The following DOCK8 variants were observed in gnomAD, a reference collection of about 807,000 sequenced individuals.
DOCK8 encodes the protein dedicator of cytokinesis 8.
DOCK8 carries 141 observed loss-of-function variants against 245.6 expected under a neutral mutation model. The observed-to-expected ratio is 0.57, with a 90% CI of 0.50 to 0.66. The LOEUF (loss-of-function observed/expected upper bound fraction) is 0.66. Among genes scored for constraint, DOCK8 ranks in the 30% least tolerant of loss-of-function variants. The pLI is 0.00. For synonymous variants in DOCK8, 1,168 were observed against 970.2 expected (o/e 1.20, Z -3.79); for missense variants, 2,965 against 2,603.4 (o/e 1.14, Z -3.02).
chr9:301,192 C>G (rs1447820015), intron 4 of DOCK8, among the ~76,000 whole-genome samples: 3 of 151,928 alleles, frequency 2.0e-5, no homozygotes, highest in Non-Finnish European at 4.4e-5. Flanking sequence ...TCACCATACA[C>G]AAATCAATAA....
At chr9:400,797 C>G (rs1164315349) in intron 26 of DOCK8, among the ~76,000 whole-genome samples, 9 of 93,942 alleles carry the variant, frequency 9.6e-5, no homozygotes, top group South Asian at 3.8e-4. Context: ...ACCATCACCA[C>G]CACCTCCACC....
chr9:293,210 C>A (rs532130850), intron 4 of DOCK8, among the ~76,000 whole-genome samples: 2 of 152,204 alleles, frequency 1.3e-5, no homozygotes, highest in East Asian at 3.9e-4. Flanking sequence ...TCTTTCTATC[C>A]CTCTGCCTCA....
intron 14 of DOCK8, among the ~76,000 whole-genome samples, chr9:358,059 A>T (rs2052530415): frequency 6.6e-6 from 1 of 152,170 alleles, no homozygotes; most frequent in Non-Finnish European, 1.5e-5. Context: ...ACATTTATGA[A>T]CCTTCTCATT....
intron 46 of DOCK8, among the ~76,000 whole-genome samples, chr9:453,836 T>C (rs2057542132): frequency 6.6e-6 from 1 of 152,190 alleles, no homozygotes; most frequent in Non-Finnish European, 1.5e-5. Flanking sequence ...CATATATTTT[T>C]ATTTAAAATT....
Position 336,588 on chromosome 9 carries a change from G to T in DOCK8, c.1292G>T (p.Ser431Ile). 1.2e-6 allele frequency: 2 copies of T among 1,614,204 alleles called. No homozygotes were observed. Among genetic ancestry groups the T allele is most frequent in the Non-Finnish European group, 1.7e-6 (2 of 1,180,022 alleles). Residue 431 changes from serine (S) to isoleucine (I), a missense_variant, in exon 12 of 48, where the codon AGC (serine) becomes ATC (isoleucine). By Grantham distance (142) the Ser-to-Ile change is moderately radical. Transcript: ENST00000432829. ...VTDVDSVVGRSSVGERRTLAQ... is the reference protein window; with the variant it reads ...VTDVDSVVGRISVGERRTLAQ... ...ACAATTGTTTTTCTTAAAGGGAGAA[G>T]CTCAGTGGGTGAACGGAGGACATTG...
intron 28 of DOCK8, among the ~76,000 whole-genome samples, chr9:408,527 C>T (rs2055546512): frequency 6.6e-6 from 1 of 152,156 alleles, no homozygotes; most frequent in African/African-American, 2.4e-5. Flanking sequence ...ACATAAATTT[C>T]CACAGCAACA....
chr9:286,439 T>C, intron 2 of DOCK8, 22 bp from the exon 3 acceptor site: 1 of 1,612,724 alleles, frequency 6.2e-7, no homozygotes, highest in Non-Finnish European at 8.5e-7. Context: ...GAACCTCCTT[T>C]TCCTTTTCCC....
rs939835890 is a variant in DOCK8 at position 254,943 on chromosome 9, A to G, written c.54-16684A>G. On this transcript the variant is annotated intron_variant, in intron 1 of 47. Coordinates refer to ENST00000432829, the MANE Select transcript of DOCK8 (RefSeq NM_203447.4). ...AGGAGGGTGGCGCTCAGAAATCTGC[A>G]TGGTTGATCAGTTCTTTAGCAGATT... Among the ~76,000 whole-genome samples, 14 of 152,316 alleles carry G rather than the reference A, an allele frequency of 9.2e-5. No homozygotes were observed. The South Asian group carries it at 1.5e-3, about 16-fold the overall frequency.
At chr9:218,961 T>A (rs181465507) in intron 1 of DOCK8, among the ~76,000 whole-genome samples, 3 of 152,272 alleles carry the variant, frequency 2.0e-5, no homozygotes, top group Middle Eastern at 6.8e-3. Flanking sequence ...AGAGAAGATA[T>A]AGAAATTGTC....
intron 1 of DOCK8, among the ~76,000 whole-genome samples, chr9:222,441 A>G (rs1027989201): frequency 5.3e-5 from 8 of 152,132 alleles, no homozygotes; most frequent in African/African-American, 1.7e-4. Flanking sequence ...TTGATTGCCA[A>G]ATTGACGCCC....
At chr9:336,070 A>G (rs2051296262) in intron 11 of DOCK8, among the ~76,000 whole-genome samples, 1 of 152,170 alleles carries the variant, frequency 6.6e-6, no homozygotes, top group African/African-American at 2.4e-5. Context: ...CAGATCACCC[A>G]AGGCAGAAAC....
intron 2 of DOCK8, among the ~76,000 whole-genome samples, chr9:277,952 C>T (rs998089456): frequency 1.3e-5 from 2 of 152,152 alleles, no homozygotes; most frequent in Non-Finnish European, 2.9e-5. Flanking sequence ...TGGTTAATTG[C>T]CTGATAAATA....
intron 40 of DOCK8, 143 bp downstream of exon 40, chr9:439,531 C>T (rs927504866): frequency 7.4e-6 from 8 of 1,084,854 alleles, no homozygotes; most frequent in Admixed American, 2.3e-5. Context: ...GGGATGGGCC[C>T]GGGGAGGACT....
At chr9:383,725 A>AAAAC (rs2053828111) in intron 22 of DOCK8, among the ~76,000 whole-genome samples, 2 of 149,726 alleles carry the variant, frequency 1.3e-5, no homozygotes, top group East Asian at 3.9e-4. Flanking sequence ...AAAAAAAAAA[A>AAAAC]TCCCAAGGAG....
chr9:420,906 G>T (rs369437620), intron 31 of DOCK8, 43 bp from the exon 32 acceptor site: 3 of 1,613,542 alleles, frequency 1.9e-6, no homozygotes, highest in South Asian at 1.1e-5. Context: ...CATCAACGGA[G>T]ATCTCACCAA....
intron 1 of DOCK8, among the ~76,000 whole-genome samples, chr9:261,997 G>GAGAAAGAAAGAAAGAAAGAA (rs149792134): frequency 0.013 from 1,964 of 146,832 alleles, 21 homozygotes; most frequent in Non-Finnish European, 0.016. Context: ...AAGAAAGAAG[G>GAGAAAGAAAGAAAGAAAGAA]AGAAAGAAAG....
chr9:329,643 G>C (rs1448802362), intron 9 of DOCK8, among the ~76,000 whole-genome samples: 1 of 152,138 alleles, frequency 6.6e-6, no homozygotes, highest in Non-Finnish European at 1.5e-5. Context: ...CACTATGATA[G>C]CCCTGTAGGT....
At position 350,337 on chromosome 9, in the gene DOCK8, C is replaced by G. The variant is rs148027039; in HGVS notation, c.1679+10016C>G. 2.4e-3 allele frequency among the ~76,000 whole-genome samples: 358 copies of G among 152,288 alleles called. 5 individuals carry two copies. Among genetic ancestry groups the G allele is most frequent in the African/African-American group, 8.2e-3 (341 of 41,546 alleles). On this transcript the variant is annotated intron_variant, in intron 14 of 47. Transcript: ENST00000432829. ...CTGTTGCCCAGGCTGGTCTTGAACT[C>G]CTAGCCTCAAGCAATCTTCCTACCT...
intron 46 of DOCK8, among the ~76,000 whole-genome samples, chr9:462,037 G>T (rs1293978028): frequency 6.9e-6 from 1 of 144,648 alleles, no homozygotes; most frequent in African/African-American, 2.6e-5. Context: ...TATTAACTTT[G>T]GTTTTTTACA....
Sources: gnomAD v4.1 joint callset for allele counts (sites outside exome capture counted in the v4.1 genomes callset) on GRCh38, gnomAD v4.1.1 for gene constraint, MANE v1.5 for transcripts, NCBI Gene and HGNC (gene_info 2026-07-23, HGNC 2026-07-21) for gene names.